WDFY2: variants seen among roughly 807,000 people sequenced by gnomAD.
The protein encoded by WDFY2 is WD repeat and FYVE domain containing 2, also known as WD repeat and FYVE domain-containing protein 2.
WDFY2 carries 36 observed loss-of-function variants against 56.4 expected under a neutral mutation model. That is an observed-to-expected ratio of 0.64 (90% CI 0.49 to 0.84). WDFY2 has a LOEUF of 0.84. Among genes scored for constraint, WDFY2 ranks in the 40% least tolerant of loss-of-function variants. The pLI, the probability that WDFY2 is intolerant of heterozygous loss-of-function variation, is 0.00. For synonymous variants in WDFY2, 176 were observed against 183.7 expected (o/e 0.96, Z 0.34); for missense variants, 444 against 512.2 (o/e 0.87, Z 1.29).
chr13:51,661,127 G>A (rs1001862832), intron 2 of WDFY2, among the ~76,000 whole-genome samples: 3 of 152,162 alleles, frequency 2.0e-5, no homozygotes, highest in Non-Finnish European at 2.9e-5. Context: ...CTAATTAGAT[G>A]TTGATTTCAT....
intron 1 of WDFY2, chr13:51,586,250 C>T (rs552737039): frequency 1.5e-5 from 6 of 391,172 alleles, no homozygotes; most frequent in African/African-American, 2.1e-5. Context: ...GGATATATTC[C>T]ATAAAATATA....
At chr13:51,738,439 T>G (rs532148567) in intron 6 of WDFY2, among the ~76,000 whole-genome samples, 222 of 152,338 alleles carry the variant, frequency 1.5e-3, no homozygotes, top group Non-Finnish European at 2.6e-3. Flanking sequence ...AGGTAATGGC[T>G]GGGTTGATGT....
In WDFY2 at chr13:51,584,548, G is replaced by C; in HGVS notation, c.-140G>C. 8.2e-7 allele frequency: 1 copy of C among 1,225,462 alleles called. No individual in the cohort carries two copies. Among genetic ancestry groups the C allele is most frequent in the Non-Finnish European group, 1.1e-6 (1 of 911,922 alleles). The allele number at this position is 1,225,462 out of a possible 1,614,324, so 75.9% of individuals were successfully genotyped here. On this transcript the variant is annotated 5_prime_UTR_variant, in exon 1 of 12. Coordinates refer to ENST00000298125, the MANE Select transcript of WDFY2 (RefSeq NM_052950.4). ...GAGTCGTTCCCGAGAGAGGCGGCCA[G>C]GCTATGCTCGCCGGTTTCCGGCGTT...
chr13:51,724,378 C>T (rs911497476), intron 5 of WDFY2, among the ~76,000 whole-genome samples: 3 of 151,720 alleles, frequency 2.0e-5, no homozygotes, highest in African/African-American at 4.8e-5. Context: ...GCTGAAATTA[C>T]AGGCACTGAC....
intron 1 of WDFY2, among the ~76,000 whole-genome samples, chr13:51,616,611 G>A (rs1217727991): frequency 2.6e-5 from 4 of 152,166 alleles, no homozygotes; most frequent in Non-Finnish European, 5.9e-5. Flanking sequence ...ACCATGATAG[G>A]GGAAAAGATT....
chr13:51,734,772 T>C (rs1042037128), intron 6 of WDFY2, among the ~76,000 whole-genome samples: 1 of 152,238 alleles, frequency 6.6e-6, no homozygotes, highest in Non-Finnish European at 1.5e-5. Context: ...AAAATTATTC[T>C]GTAGGTCATA....
chr13:51,603,806 AAAAT>A (rs1253914891), intron 1 of WDFY2, among the ~76,000 whole-genome samples: 8 of 152,212 alleles, frequency 5.3e-5, no homozygotes, highest in Non-Finnish European at 1.2e-4. Flanking sequence ...GGATATGAAA[AAAAT>A]CTTTGTAAAG....
chr13:51,680,806 A>T (rs1420611578), intron 3 of WDFY2, among the ~76,000 whole-genome samples: 1 of 152,206 alleles, frequency 6.6e-6, no homozygotes, highest in South Asian at 2.1e-4. Context: ...CCATGTCAGG[A>T]TAATGGTGGC....
intron 6 of WDFY2, among the ~76,000 whole-genome samples, chr13:51,733,676 G>T (rs1023969458): frequency 1.3e-5 from 2 of 152,214 alleles, no homozygotes; most frequent in Non-Finnish European, 2.9e-5. Flanking sequence ...TGGACTGGGG[G>T]ACAGCAGTGT....
At chr13:51,680,748 G>A (rs1232669868) in intron 3 of WDFY2, among the ~76,000 whole-genome samples, 1 of 152,196 alleles carries the variant, frequency 6.6e-6, no homozygotes, top group African/African-American at 2.4e-5. Flanking sequence ...ATCTTCTTCT[G>A]CAGCTAATGC....
intron 1 of WDFY2, among the ~76,000 whole-genome samples, chr13:51,597,377 A>C (rs941340334): frequency 6.6e-6 from 1 of 152,240 alleles, no homozygotes; most frequent in African/African-American, 2.4e-5. Context: ...TTACTGGGAA[A>C]CTACATTCTT....
intron 5 of WDFY2, among the ~76,000 whole-genome samples, chr13:51,725,716 C>T (rs980819816): frequency 6.9e-6 from 1 of 145,240 alleles, no homozygotes; most frequent in Non-Finnish European, 1.5e-5. Flanking sequence ...TTTTTTAAGA[C>T]AGGGTCTCAC....
intron 2 of WDFY2, among the ~76,000 whole-genome samples, chr13:51,668,873 A>G (rs1013964105): frequency 3.9e-5 from 6 of 152,222 alleles, no homozygotes; most frequent in Non-Finnish European, 7.3e-5. Flanking sequence ...TTATTTGAGC[A>G]AAGTTCAACT....
intron 3 of WDFY2, among the ~76,000 whole-genome samples, chr13:51,695,014 C>A (rs9568654): frequency 0.091 from 13,926 of 152,232 alleles, 937 homozygotes; most frequent in East Asian, 0.29. Context: ...AGTTCTCAAG[C>A]CTTGGCTTTC....
chr13:51,753,808 G>T (rs879923594), intron 8 of WDFY2, among the ~76,000 whole-genome samples: 1 of 151,964 alleles, frequency 6.6e-6, no homozygotes, highest in Non-Finnish European at 1.5e-5. Flanking sequence ...TAACTCAGCC[G>T]GGCACGGTGG....
intron 1 of WDFY2, among the ~76,000 whole-genome samples, chr13:51,628,516 G>C (rs1040399109): frequency 6.6e-6 from 1 of 152,186 alleles, no homozygotes; most frequent in African/African-American, 2.4e-5. Context: ...CTACACCCAG[G>C]AGCACCGGTT....
At chr13:51,647,765 TAAAAAAA>T (rs528621325) in intron 1 of WDFY2, among the ~76,000 whole-genome samples, 3 of 102,734 alleles carry the variant, frequency 2.9e-5, no homozygotes, top group Non-Finnish European at 6.1e-5. Context: ...GTCTCTCTCT[TAAAAAAA>T]AAAAAAAAAA....
At chr13:51,654,296 A>G (rs1261703818) in intron 1 of WDFY2, among the ~76,000 whole-genome samples, 3 of 152,168 alleles carry the variant, frequency 2.0e-5, no homozygotes, top group Non-Finnish European at 4.4e-5. Context: ...TCCATGTGCC[A>G]TCTTTCACCC....
chr13:51,730,586 T>G (rs1178167686), intron 6 of WDFY2, among the ~76,000 whole-genome samples: 2 of 152,186 alleles, frequency 1.3e-5, no homozygotes, highest in Admixed American at 1.3e-4. Flanking sequence ...ACAGTTCTAG[T>G]GCATCGTGGC....
Sources: gnomAD v4.1 joint callset for allele counts (sites outside exome capture counted in the v4.1 genomes callset) on GRCh38, gnomAD v4.1.1 for gene constraint, MANE v1.5 for transcripts, NCBI Gene and HGNC (gene_info 2026-07-23, HGNC 2026-07-21) for gene names.